Variants in KIAA1958 observed in about 807,000 individuals in gnomAD.
The protein encoded by KIAA1958 is KIAA1958, also known as uncharacterized protein KIAA1958.
In KIAA1958, 14 loss-of-function variants were observed where a neutral mutation model predicts 47.2. The observed-to-expected ratio is 0.30, with a 90% CI of 0.20 to 0.46. The LOEUF (loss-of-function observed/expected upper bound fraction) is 0.46. Among genes scored for constraint, KIAA1958 ranks in the 20% least tolerant of loss-of-function variants. The probability of loss-of-function intolerance (pLI) is 1.00; values close to 1 mark genes in which losing one functional copy is unlikely to be tolerated. For missense variants in KIAA1958, 803 were observed against 909.2 expected (o/e 0.88, Z 1.50); for synonymous variants, 354 against 353.3 (o/e 1.00, Z -0.02).
chr9:112,648,059 TA>T (rs2131245227), intron 3 of KIAA1958, among the ~76,000 whole-genome samples: 1 of 152,342 alleles, frequency 6.6e-6, no homozygotes, highest in Non-Finnish European at 1.5e-5. Context: ...AAAAATCAGT[TA>T]AGTCTTTCAC....
intron 3 of KIAA1958, among the ~76,000 whole-genome samples, chr9:112,650,432 G>A (rs1003921110): frequency 1.3e-5 from 2 of 152,144 alleles, no homozygotes; most frequent in Non-Finnish European, 2.9e-5. Context: ...AGGATAAGTG[G>A]ATGAATGAAA....
At chr9:112,625,722 C>G (rs536682074) in intron 2 of KIAA1958, among the ~76,000 whole-genome samples, 6 of 152,198 alleles carry the variant, frequency 3.9e-5, no homozygotes, top group Non-Finnish European at 7.3e-5. Context: ...ATAGGCTGTT[C>G]TTGAATGTGA....
intron 2 of KIAA1958, among the ~76,000 whole-genome samples, chr9:112,636,190 ATTGC>A (rs1170841189): frequency 2.6e-4 from 39 of 149,962 alleles, no homozygotes; most frequent in Middle Eastern, 3.3e-3. Context: ...GGAATATATA[ATTGC>A]TTGTCAAATT....
At chr9:112,531,278 C>T (rs1834747737) in intron 1 of KIAA1958, among the ~76,000 whole-genome samples, 2 of 152,148 alleles carry the variant, frequency 1.3e-5, no homozygotes, top group East Asian at 1.9e-4. Flanking sequence ...ATCCCAGCTA[C>T]TCAGCAGGCT....
rs756240511 is a variant in KIAA1958, at chr9:112,574,914, A to C, written c.834A>C (p.Arg278Ser). 3.1e-6 allele frequency: 5 copies of C among 1,613,918 alleles called. No individual in the cohort carries two copies. The highest frequency in any genetic ancestry group is 4.2e-6 in the Non-Finnish European group (5 of 1,179,984). ...GMSASPSVIS[R>S]PIVQKTARVS... ...CTGCATCCCCCTCTGTGATCTCCAGACCAATTGTCCAGAAGACTGCTAGGG... is the reference window on the plus strand; with the variant it reads ...CTGCATCCCCCTCTGTGATCTCCAGCCCAATTGTCCAGAAGACTGCTAGGG... The change falls in exon 2 of 4, where the codon AGA (arginine) becomes AGC (serine). Residue 278 changes from arginine to serine, a missense_variant. Physicochemically the swap from Arg to Ser is moderately radical, Grantham distance 110. This residue lies in a region of KIAA1958 where 761 missense variants were observed against 829.3 expected (regional missense o/e 0.92). Coordinates refer to ENST00000337530, the MANE Select transcript of KIAA1958 (RefSeq NM_133465.4).
At chr9:112,602,349 C>T (rs986989234) in intron 2 of KIAA1958, among the ~76,000 whole-genome samples, 1 of 152,118 alleles carries the variant, frequency 6.6e-6, no homozygotes, top group African/African-American at 2.4e-5. Flanking sequence ...TGGCCTATTT[C>T]GTACGATCAC....
At chr9:112,585,440 A>G (rs748105350) in intron 2 of KIAA1958, among the ~76,000 whole-genome samples, 14 of 152,258 alleles carry the variant, frequency 9.2e-5, no homozygotes, top group African/African-American at 1.7e-4. Flanking sequence ...ATATATCTCA[A>G]TGGAGCCAGG....
intron 2 of KIAA1958, among the ~76,000 whole-genome samples, chr9:112,640,476 C>T (rs946538815): frequency 3.3e-5 from 5 of 152,178 alleles, no homozygotes; most frequent in African/African-American, 1.2e-4. Context: ...AGTGTTGACT[C>T]ATTTTTCTGT....
intron 2 of KIAA1958, among the ~76,000 whole-genome samples, chr9:112,634,500 G>A (rs1418448271): frequency 5.3e-5 from 8 of 152,004 alleles, no homozygotes; most frequent in Non-Finnish European, 1.2e-4. Context: ...CAAAGTGCTG[G>A]GATTACAGGC....
intron 2 of KIAA1958, among the ~76,000 whole-genome samples, chr9:112,645,371 T>C (rs1182800742): frequency 1.3e-5 from 2 of 152,222 alleles, no homozygotes; most frequent in Non-Finnish European, 2.9e-5. Context: ...TTTTTATACT[T>C]CTATTATTGG....
intron 3 of KIAA1958, among the ~76,000 whole-genome samples, chr9:112,651,593 G>A (rs62575203): frequency 0.069 from 10,413 of 151,730 alleles, 447 homozygotes; most frequent in East Asian, 0.099. Context: ...ACAGGGTTTC[G>A]CCATGTTGGC....
At chr9:112,510,551 C>T (rs1834309465) in intron 1 of KIAA1958, among the ~76,000 whole-genome samples, 1 of 152,196 alleles carries the variant, frequency 6.6e-6, no homozygotes, top group Admixed American at 6.5e-5. Context: ...CTGTTTCCCT[C>T]TTTTCTTTTA....
chr9:112,611,181 A>G (rs1417541862), intron 2 of KIAA1958, among the ~76,000 whole-genome samples: 1 of 152,154 alleles, frequency 6.6e-6, no homozygotes, highest in African/African-American at 2.4e-5. Flanking sequence ...GTAATGAGCC[A>G]CAACCTATCA....
intron 2 of KIAA1958, among the ~76,000 whole-genome samples, chr9:112,643,676 T>C (rs1836929763): frequency 6.6e-6 from 1 of 152,090 alleles, no homozygotes; most frequent in Non-Finnish European, 1.5e-5. Flanking sequence ...AGGATCAAGA[T>C]TGAAAGCACA....
chr9:112,632,923 T>TAAA (rs1016716996), intron 2 of KIAA1958, among the ~76,000 whole-genome samples: 10,069 of 125,556 alleles, frequency 0.08, 509 homozygotes, highest in East Asian at 0.19. Flanking sequence ...TTTTTTTTTT[T>TAAA]AAAAAAAGAG....
intron 1 of KIAA1958, among the ~76,000 whole-genome samples, chr9:112,567,073 A>G (rs1007960357): frequency 1.3e-5 from 2 of 152,202 alleles, no homozygotes; most frequent in Non-Finnish European, 2.9e-5. Context: ...AATCTGAGTA[A>G]CAGTTATACT....
At chr9:112,499,134 A>G (rs1054961404) in intron 1 of KIAA1958, among the ~76,000 whole-genome samples, 1 of 152,218 alleles carries the variant, frequency 6.6e-6, no homozygotes, top group Admixed American at 6.5e-5. Context: ...TTCTTTATCC[A>G]TGCATCGGTT....
chr9:112,531,510 G>A (rs1834751774), intron 1 of KIAA1958, among the ~76,000 whole-genome samples: 1 of 152,190 alleles, frequency 6.6e-6, no homozygotes, highest in African/African-American at 2.4e-5. Flanking sequence ...ATATGACACT[G>A]CTTTTCTGTT....
intron 2 of KIAA1958, among the ~76,000 whole-genome samples, chr9:112,633,082 A>C (rs1836739761): frequency 1.3e-5 from 2 of 151,978 alleles, no homozygotes; most frequent in South Asian, 4.1e-4. Flanking sequence ...TTATACCCTC[A>C]CTTGGCATAC....
Sources: allele counts gnomAD v4.1 joint callset (sites outside exome capture counted in the v4.1 genomes callset), GRCh38; gene constraint gnomAD v4.1.1; regional missense constraint gnomAD v4.1.1; transcripts MANE v1.5; gene names NCBI Gene and HGNC (gene_info 2026-07-23, HGNC 2026-07-21).